RAB11FIP5: variants seen among roughly 807,000 people sequenced by gnomAD.
RAB11FIP5 encodes the protein RAB11 family interacting protein 5, also known as rab11 family-interacting protein 5.
Under a neutral mutation model 85.1 loss-of-function variants are expected in RAB11FIP5, and 48 were observed. The observed-to-expected ratio is 0.56, with a 90% confidence interval of 0.45 to 0.72. The LOEUF is 0.72. RAB11FIP5 is among the 30% of genes least tolerant of loss of function. The pLI is 0.00. For missense variants in RAB11FIP5, 1,491 were observed against 1,687.0 expected, an observed-to-expected ratio of 0.88 and a Z score of 2.04; for synonymous variants, 729 against 727.3, an observed-to-expected ratio of 1.00 and a Z score of -0.04.
At position 73,089,224 on chromosome 2, in the gene RAB11FIP5, C is replaced by T. The variant is rs761374151; in HGVS notation, c.523G>A (p.Ala175Thr). The change falls in exon 2 of 6, where the codon GCC becomes ACC. Residue 175 changes from alanine to threonine, a missense_variant. Around this residue, in one of 3 missense-constraint regions of RAB11FIP5, gnomAD observed 1,211 missense variants for 1,338.0 expected, o/e 0.91. Coordinates refer to ENST00000486777, the MANE Select transcript of RAB11FIP5 (RefSeq NM_001371272.1). This position sits in a 1 kb window ranked among gnomAD's most constrained non-coding sequence, Gnocchi z 4.6. ...TIQFTRNNLS[A>T]SMFDLSMKDK... ...TTCATGGACAGGTCAAACATACTGGCGCTCAGGTTGTTGCGCGTGAACTGG... is the reference window on the plus strand; with the variant it reads ...TTCATGGACAGGTCAAACATACTGGTGCTCAGGTTGTTGCGCGTGAACTGG... 8 of 1,614,042 alleles carry T rather than the reference C, an allele frequency of 5.0e-6. No homozygotes were observed. Among genetic ancestry groups the T allele is most frequent in the Admixed American group, 1.7e-5 (1 of 60,004 alleles).
At chr2:73,107,131 G>GCA (rs1052058738) in intron 1 of RAB11FIP5, among the ~76,000 whole-genome samples, 3 of 152,238 alleles carry the variant, frequency 2.0e-5, no homozygotes, top group African/African-American at 7.2e-5. Context: ...ACTGCCAGGT[G>GCA]CACAGCAGAC....
rs1460744886 is a variant in RAB11FIP5 at position 73,081,720 on chromosome 2, CCT to C, written c.1569-59_1569-58del. 2 of 1,223,066 alleles carry C rather than the reference CCT, an allele frequency of 1.6e-6. No homozygotes were observed. Among genetic ancestry groups the C allele is most frequent in the African/African-American group, 1.6e-5 (1 of 64,278 alleles). The allele number at this position is 1,223,066 out of a possible 1,614,324, so 75.8% of individuals were successfully genotyped here. A position where few individuals can be genotyped will look rare whatever the true frequency, so the allele number is the denominator to read the frequency against. The stretch of plus-strand genomic sequence containing the variant: ...GGTTAATGCCAAGACTGGAAAGGCC[CCT>C]GAGTCCCACGCCCCACCCCCTGCTT... On this transcript the variant is annotated intron_variant, in intron 3 of 5. Coordinates refer to ENST00000486777, the MANE Select transcript of RAB11FIP5 (RefSeq NM_001371272.1). The surrounding 1 kb of genome is among the most constrained non-coding windows in gnomAD (Gnocchi z 4.2).
intron 3 of RAB11FIP5, among the ~76,000 whole-genome samples, chr2:73,083,835 G>A (rs899168228): frequency 1.3e-5 from 2 of 152,184 alleles, no homozygotes; most frequent in African/African-American, 2.4e-5. Flanking sequence ...CGGGCCCCCA[G>A]GAACAGGGCT....
rs1452308698 is a variant in RAB11FIP5, at chr2:73,075,230, G to A, written c.*291C>T. 3.0e-6 allele frequency: 2 copies of A among 676,254 alleles called. No homozygotes were observed. Among genetic ancestry groups the A allele is most frequent in the East Asian group, 2.9e-5 (1 of 34,818 alleles). 41.9% of individuals were successfully genotyped at this position (676,254 alleles called of 1,614,324 possible). On this transcript the variant is annotated 3_prime_UTR_variant, in exon 6 of 6. Transcript: ENST00000486777. This position sits in a 1 kb window ranked among gnomAD's most constrained non-coding sequence, Gnocchi z 4.6. Reference sequence around the variant, plus strand: ...CTACAGTTCACCCCTGCTCTGTCTTGGGGGAAGAGTTCCAATTCCCTGGGG... The same window carrying A: ...CTACAGTTCACCCCTGCTCTGTCTTAGGGGAAGAGTTCCAATTCCCTGGGG...
chr2:73,108,930 G>T (rs1314331804), intron 1 of RAB11FIP5, among the ~76,000 whole-genome samples: 1 of 152,204 alleles, frequency 6.6e-6, no homozygotes, highest in Non-Finnish European at 1.5e-5. Context: ...TGTAATCCCA[G>T]CTACTCAGGG....
Position 73,075,779 on chromosome 2 carries a change from TGCCCGCTTGCCC to T in RAB11FIP5, c.3772-67_3772-56del. On this transcript the variant is annotated intron_variant, in intron 5 of 5. Coordinates refer to ENST00000486777, the MANE Select transcript of RAB11FIP5 (RefSeq NM_001371272.1). The surrounding 1 kb of genome is among the most constrained non-coding windows in gnomAD (Gnocchi z 4.6). Reference sequence around the variant, plus strand: ...GCAGCCCTAGGCCTGCCTGCCTGCCTGCCCGCTTGCCCGCCCGCCCGCCTGCCCACCAACACC... The same window carrying T: ...GCAGCCCTAGGCCTGCCTGCCTGCCTGCCCGCCCGCCTGCCCACCAACACC... The T allele has an allele frequency of 6.6e-7, 1 of 1,518,124 alleles. No homozygotes were observed. Among genetic ancestry groups the T allele is most frequent in the Non-Finnish European group, 8.9e-7 (1 of 1,124,698 alleles). The allele number at this position is 1,518,124 out of a possible 1,614,324, so 94.0% of individuals were successfully genotyped here. A position where few individuals can be genotyped will look rare whatever the true frequency, so the allele number is the denominator to read the frequency against.
chr2:73,087,601 T>C (rs1207305990), intron 3 of RAB11FIP5, among the ~76,000 whole-genome samples: 2 of 152,106 alleles, frequency 1.3e-5, no homozygotes, highest in Non-Finnish European at 2.9e-5. Context: ...CAGAGACAGC[T>C]GGGGAGAAGT....
At chr2:73,105,268 G>T (rs1375230094) in intron 1 of RAB11FIP5, among the ~76,000 whole-genome samples, 1 of 151,888 alleles carries the variant, frequency 6.6e-6, no homozygotes, top group Non-Finnish European at 1.5e-5. Flanking sequence ...TTTGAGACAG[G>T]ATCTTGCTCT....
chr2:73,076,748 C>CAAATA (rs1683871093), intron 4 of RAB11FIP5, among the ~76,000 whole-genome samples: 1 of 152,184 alleles, frequency 6.6e-6, no homozygotes, highest in Non-Finnish European at 1.5e-5. Context: ...TTTGCTCCAG[C>CAAATA]TATCATTCCT....
At chr2:73,110,868 G>T (rs543688459) in intron 1 of RAB11FIP5, among the ~76,000 whole-genome samples, 2 of 152,252 alleles carry the variant, frequency 1.3e-5, no homozygotes, top group African/African-American at 4.8e-5. Context: ...GGAGGGTGAA[G>T]GACTGGGGGA....
intron 1 of RAB11FIP5, among the ~76,000 whole-genome samples, chr2:73,100,425 GTTT>G (rs573555727): frequency 1.5e-5 from 2 of 131,102 alleles, no homozygotes; most frequent in Admixed American, 7.8e-5. Flanking sequence ...TTTGGTTGTG[GTTT>G]TTTTTTTTTT....
At chr2:73,109,311 C>T (rs1026958501) in intron 1 of RAB11FIP5, among the ~76,000 whole-genome samples, 1 of 152,172 alleles carries the variant, frequency 6.6e-6, no homozygotes, top group Non-Finnish European at 1.5e-5. Context: ...GCACCTACAA[C>T]CCCAGCCACC....
chr2:73,104,660 TC>T (rs1684490186), intron 1 of RAB11FIP5, among the ~76,000 whole-genome samples: 1 of 152,100 alleles, frequency 6.6e-6, no homozygotes, highest in Non-Finnish European at 1.5e-5. Flanking sequence ...TAAGCTTGGC[TC>T]CCCTCACTCC....
Position 73,080,106 on chromosome 2 carries a change from C to A in RAB11FIP5, c.3126G>T (p.Gly1042=). The change falls in exon 4 of 6, where the codon GGG becomes GGT. Residue 1042 remains glycine, a synonymous_variant. Transcript: ENST00000486777. ...EAQGQDPVGE[G]LGSLSATSQQ... is the part of the protein sequence containing the mutation. ...GGGAGGTGGCTGACAAGGACCCAAG[C>A]CCCTCTCCTACTGGATCCTGGCCCT... The A allele has an allele frequency of 8.1e-7, 1 of 1,232,236 alleles. No individual in the cohort carries two copies. The highest frequency in any genetic ancestry group is 1.0e-6 in the Non-Finnish European group (1 of 988,052). The allele number at this position is 1,232,236 out of a possible 1,614,324, so 76.3% of individuals were successfully genotyped here.
chr2:73,075,416 A>G lies in RAB11FIP5; in HGVS notation c.*105T>C, dbSNP rs755426643. The G allele has an allele frequency of 3.4e-6, 4 of 1,183,494 alleles. No individual in the cohort carries two copies. Among genetic ancestry groups the G allele is most frequent in the Non-Finnish European group, 5.1e-6 (4 of 789,928 alleles). 73.3% of individuals were successfully genotyped at this position (1,183,494 alleles called of 1,614,324 possible). A position where few individuals can be genotyped will look rare whatever the true frequency, so the allele number is the denominator to read the frequency against. On this transcript the variant is annotated 3_prime_UTR_variant, in exon 6 of 6. Transcript: ENST00000486777. The surrounding 1 kb of genome is among the most constrained non-coding windows in gnomAD (Gnocchi z 4.6). ...AGGAGGGAGAGGAGCAAGGAGTGACAAGGCAAGACAGACGATGCCCCACTG... is the reference window on the plus strand; with the variant it reads ...AGGAGGGAGAGGAGCAAGGAGTGACGAGGCAAGACAGACGATGCCCCACTG...
At chr2:73,082,912 C>T (rs563570573) in intron 3 of RAB11FIP5, among the ~76,000 whole-genome samples, 184 of 152,360 alleles carry the variant, frequency 1.2e-3, no homozygotes, top group African/African-American at 4.0e-3. Flanking sequence ...CACTGAGCCA[C>T]CGTCAGAGGC....
chr2:73,075,711 A>G lies in RAB11FIP5; in HGVS notation c.3785T>C (p.Leu1262Pro), dbSNP rs1221237091. ...DTKRLKDSAV[L>P]DQSAKYYHLT... The stretch of plus-strand genomic sequence containing the variant: ...GTGGTAGTACTTGGCCGACTGGTCC[A>G]GCACAGCTGAGTCCTGAGGCCGGAC... Residue 1262 changes from leucine (L) to proline (P), a missense_variant, in exon 6 of 6, where the codon CTG (leucine) becomes CCG (proline). This residue lies in a region of RAB11FIP5 where 232 missense variants were observed against 259.1 expected (regional missense o/e 0.90). Coordinates refer to ENST00000486777, the MANE Select transcript of RAB11FIP5 (RefSeq NM_001371272.1). The surrounding 1 kb of genome is among the most constrained non-coding windows in gnomAD (Gnocchi z 4.6). 3.1e-5 allele frequency: 49 copies of G among 1,605,822 alleles called. No homozygotes were observed. The highest frequency in any genetic ancestry group is 3.9e-5 in the Non-Finnish European group (46 of 1,175,606).
Position 73,110,479 on chromosome 2 carries a change from TC to T in RAB11FIP5, c.431+1867del, listed in dbSNP as rs371852247. Among the ~76,000 whole-genome samples, 1,402 of 150,474 alleles carry T rather than the reference TC, an allele frequency of 9.3e-3. 23 individuals are homozygous for T. Among genetic ancestry groups the T allele is most frequent in the African/African-American group, 0.031 (1,264 of 41,058 alleles). On this transcript the variant is annotated intron_variant, in intron 1 of 5. Transcript: ENST00000486777. ...CCTAAGTGACCCTCCCCACTCCTGT[TC>T]CCCCCCCGGTTCTATAAATAAACCA...
At chr2:73,082,634 G>C (rs2106105381) in intron 3 of RAB11FIP5, among the ~76,000 whole-genome samples, 1 of 152,340 alleles carries the variant, frequency 6.6e-6, no homozygotes, top group South Asian at 2.1e-4. Flanking sequence ...CTGGCAGTGT[G>C]ACAGCAGCAG....
Sources: gnomAD v4.1 joint callset for allele counts (sites outside exome capture counted in the v4.1 genomes callset) on GRCh38, gnomAD v4.1.1 for gene constraint, gnomAD v4.1.1 regional missense constraint, Gnocchi (gnomAD v3.1) non-coding constraint, MANE v1.5 for transcripts, NCBI Gene and HGNC (gene_info 2026-07-23, HGNC 2026-07-21) for gene names.